The following PREB variants were observed in gnomAD, a reference collection of about 807,000 sequenced individuals.
PREB encodes prolactin regulatory element binding.
A neutral mutation model predicts 46.7 loss-of-function variants in PREB; 29 were observed. The observed-to-expected ratio is 0.62, with a 90% CI of 0.46 to 0.85. The LOEUF (loss-of-function observed/expected upper bound fraction) is 0.85, where lower values mean the gene tolerates loss of function less well. Ranked by LOEUF, PREB falls within the 40% of genes least tolerant of loss-of-function variation. The pLI is 0.00. For synonymous variants in PREB, 224 were observed against 220.1 expected (o/e 1.02, Z -0.16); for missense variants, 494 against 528.4 (o/e 0.93, Z 0.64).
At position 27,134,622 on chromosome 2, in the gene PREB, T is replaced by A; in HGVS notation, c.-201A>T. 1 of 1,291,758 alleles carries A rather than the reference T, an allele frequency of 7.7e-7. No homozygotes were observed. Among genetic ancestry groups the A allele is most frequent in the Non-Finnish European group, 9.8e-7 (1 of 1,020,820 alleles). 80.0% of individuals were successfully genotyped at this position (1,291,758 alleles called of 1,614,324 possible). A position where few individuals can be genotyped will look rare whatever the true frequency, so the allele number is the denominator to read the frequency against. On this transcript the variant is annotated 5_prime_UTR_variant, in exon 1 of 9. Coordinates refer to ENST00000260643, the MANE Select transcript of PREB (RefSeq NM_013388.6). ...CAGCTCGGCTCCGTCCAAGTCGGTCTCGCAGACGCGCACTGCGCATGCGCA... is the reference window on the plus strand; with the variant it reads ...CAGCTCGGCTCCGTCCAAGTCGGTCACGCAGACGCGCACTGCGCATGCGCA...
At chr2:27,133,767 G>A in intron 1 of PREB, 46 bp from the exon 2 acceptor site, 2 of 1,583,252 alleles carry the variant, frequency 1.3e-6, no homozygotes, top group Middle Eastern at 1.8e-4. Flanking sequence ...GGTGCCCAGA[G>A]AGCACGTTTA....
At chr2:27,134,051 A>T in intron 1 of PREB, 1 of 650,444 alleles carries the variant, frequency 1.5e-6, no homozygotes, top group Non-Finnish European at 2.6e-6. Flanking sequence ...GGCGGAGCTG[A>T]AGCGTTCCTG....
At position 27,132,777 on chromosome 2, in the gene PREB, C is replaced by G; in HGVS notation, c.628-50G>C. 6.2e-7 allele frequency: 1 copy of G among 1,613,622 alleles called. No individual in the cohort carries two copies. The highest frequency in any genetic ancestry group is 1.7e-4 in the Middle Eastern group (1 of 6,060). On this transcript the variant is annotated intron_variant, in intron 4 of 8. Coordinates refer to ENST00000260643, the MANE Select transcript of PREB (RefSeq NM_013388.6). This position sits in a 1 kb window ranked among gnomAD's most constrained non-coding sequence, Gnocchi z 4.0. ...GATGGACAGTTAGGGGATCCACTTACTGGGCAAGCAGCATAAGCACCTCCT... is the reference window on the plus strand; with the variant it reads ...GATGGACAGTTAGGGGATCCACTTAGTGGGCAAGCAGCATAAGCACCTCCT...
chr2:27,132,614 G>A lies in PREB; in HGVS notation c.741C>T (p.Tyr247=). Residue 247 remains tyrosine (Y), a synonymous_variant, in exon 5 of 9, where the codon TAC becomes TAT. Coordinates refer to ENST00000260643, the MANE Select transcript of PREB (RefSeq NM_013388.6). The surrounding 1 kb of genome is among the most constrained non-coding windows in gnomAD (Gnocchi z 4.0). ...GPTFSSTPYR[Y]QACRFGQVPD... is the part of the protein sequence containing the mutation. ...CAAAGTCTTCACACCTGCAGGCCTG[G>A]TAGCGGTAAGGTGTGCTGGAAAAGG... 4 of 1,614,102 alleles carry A rather than the reference G, an allele frequency of 2.5e-6. No individual in the cohort carries two copies. Among genetic ancestry groups the A allele is most frequent in the African/African-American group, 2.7e-5 (2 of 75,008 alleles).
At position 27,132,682 on chromosome 2, in the gene PREB, C is replaced by A. The variant is rs532426126; in HGVS notation, c.673G>T (p.Asp225Tyr). The change falls in exon 5 of 9, where the codon GAT becomes TAT. Residue 225 changes from aspartate (D) to tyrosine (Y), a missense_variant. Physicochemically the swap from Asp to Tyr is radical, Grantham distance 160. Coordinates refer to ENST00000260643, the MANE Select transcript of PREB (RefSeq NM_013388.6). This position sits in a 1 kb window ranked among gnomAD's most constrained non-coding sequence, Gnocchi z 4.0. ...CAGTGCAGCTGTGTCACCAGCTGAT[C>A]CTTCTGCCACACAGAGGCCTTAAGG... ...RDLKASVWQK[D>Y]QLVTQLHWQE... The A allele has an allele frequency of 6.2e-7, 1 of 1,614,082 alleles. No homozygotes were observed. Among genetic ancestry groups the A allele is most frequent in the Non-Finnish European group, 8.5e-7 (1 of 1,179,986 alleles).
chr2:27,132,896 A>G lies in PREB; in HGVS notation c.574T>C (p.Phe192Leu). The change falls in exon 4 of 9, where the codon TTC becomes CTC. Residue 192 changes from phenylalanine (F) to leucine (L), a missense_variant. Coordinates refer to ENST00000260643, the MANE Select transcript of PREB (RefSeq NM_013388.6). The surrounding 1 kb of genome is among the most constrained non-coding windows in gnomAD (Gnocchi z 4.0). ...KVPSLEKVLE[F>L]KAHEGEIEDL... ...TCAATCTCCCCTTCGTGGGCTTTGA[A>G]CTCCAGAACCTTCTCCAGGCTGGGC... The G allele has an allele frequency of 1.9e-6, 3 of 1,613,506 alleles. No homozygotes were observed. Among genetic ancestry groups the G allele is most frequent in the Non-Finnish European group, 2.5e-6 (3 of 1,179,882 alleles).
rs1672219735 is a variant in PREB at position 27,130,805 on chromosome 2, C to T, written c.*609G>A. 1 of 1,557,032 alleles carries T rather than the reference C, an allele frequency of 6.4e-7. No homozygotes were observed. On this transcript the variant is annotated 3_prime_UTR_variant, in exon 9 of 9. Transcript: ENST00000260643. ...CTTGTTTATTAAATATCAACTTTTC[C>T]TGCCTAATGGGCTGAGGTTCATTTT...
chr2:27,134,545 T>TC lies in PREB; in HGVS notation c.-125dup. 2.9e-6 allele frequency: 4 copies of TC among 1,362,228 alleles called. No individual in the cohort carries two copies. The highest frequency in any genetic ancestry group is 3.8e-6 in the Non-Finnish European group (4 of 1,064,620). 84.4% of individuals were successfully genotyped at this position (1,362,228 alleles called of 1,614,324 possible). On this transcript the variant is annotated 5_prime_UTR_variant, in exon 1 of 9. It introduces an in-frame stop codon into an upstream open reading frame of the 5' UTR. Coordinates refer to ENST00000260643, the MANE Select transcript of PREB (RefSeq NM_013388.6). ...CGCCGCCGGGAGCACTCCCTACCCC[T>TC]CTCACACCGGGGAGTTGCCAAAACC...
intron 1 of PREB, 51 bp downstream of exon 1, chr2:27,134,236 A>G: frequency 6.7e-7 from 1 of 1,497,412 alleles, no homozygotes; most frequent in South Asian, 1.3e-5. Flanking sequence ...CCACCCTGGA[A>G]TCGCCGCCAG....
Position 27,131,850 on chromosome 2 carries a change from C to T in PREB, c.1000-19G>A, listed in dbSNP as rs749694183. 9.3e-6 allele frequency: 15 copies of T among 1,612,490 alleles called. No homozygotes were observed. In the Admixed American group the frequency reaches 2.2e-4, roughly 23 times the overall value. On this transcript the variant is annotated intron_variant, in intron 7 of 8. Transcript: ENST00000260643. ...AGAGGCACTGTGGGCAGAAGGAATA[C>T]CAGTGAGGAAAGGCCTAGCTGGGAA...
At chr2:27,134,026 C>T (rs1047766035) in intron 1 of PREB, 41 of 616,424 alleles carry the variant, frequency 6.7e-5, no homozygotes, top group Non-Finnish European at 1.1e-4. Context: ...TATAAGACCC[C>T]TGGAGCTGCT....
chr2:27,132,476 G>A lies in PREB; in HGVS notation c.753-73C>T. 1.3e-6 allele frequency: 2 copies of A among 1,588,634 alleles called. No individual in the cohort carries two copies. Among genetic ancestry groups the A allele is most frequent in the Non-Finnish European group, 8.6e-7 (1 of 1,165,578 alleles). On this transcript the variant is annotated intron_variant, in intron 5 of 8. Transcript: ENST00000260643. The surrounding 1 kb of genome is among the most constrained non-coding windows in gnomAD (Gnocchi z 4.0). Reference sequence around the variant, plus strand: ...CTCCTCAGAGGTTTGTGCACCACCTGCACCCTGGTCAGACCTGGGGTAACA... The same window carrying A: ...CTCCTCAGAGGTTTGTGCACCACCTACACCCTGGTCAGACCTGGGGTAACA...
intron 8 of PREB, 54 bp downstream of exon 8, chr2:27,131,618 T>C: frequency 6.2e-7 from 1 of 1,604,144 alleles, no homozygotes; most frequent in South Asian, 1.1e-5. Flanking sequence ...GGGGGGCACG[T>C]TTCTGGTCAT....
rs771379141 is a variant in PREB at position 27,133,311 on chromosome 2, T to C, written c.352A>G (p.Arg118Gly). Reference protein sequence around the residue: ...AGSKEQGPRQRKGAAPAEKKC... With the variant: ...AGSKEQGPRQGKGAAPAEKKC... Reference sequence around the variant, plus strand: ...TTCTCTGCTGGGGCTGCTCCCTTCCTTTGTCGAGGCCCCTGCTCCTTGGAA... The same window carrying C: ...TTCTCTGCTGGGGCTGCTCCCTTCCCTTGTCGAGGCCCCTGCTCCTTGGAA... Residue 118 changes from arginine (R) to glycine (G), a missense_variant, in exon 3 of 9, where the codon AGG becomes GGG. Coordinates refer to ENST00000260643, the MANE Select transcript of PREB (RefSeq NM_013388.6). 1.9e-6 allele frequency: 3 copies of C among 1,614,052 alleles called. No individual in the cohort carries two copies. Among genetic ancestry groups the C allele is most frequent in the African/African-American group, 2.7e-5 (2 of 74,932 alleles).
At chr2:27,134,007 AAAGGCCAGTAT>A in intron 1 of PREB, 2 of 606,260 alleles carry the variant, frequency 3.3e-6, no homozygotes, top group Non-Finnish European at 5.7e-6. Context: ...ACCTCCCGGA[AAAGGCCAGTAT>A]AAGACCCCTG....
In PREB at chr2:27,134,554, G is replaced by A. The variant is rs1385666316; in HGVS notation, c.-133C>T. On this transcript the variant is annotated 5_prime_UTR_variant, in exon 1 of 9. Coordinates refer to ENST00000260643, the MANE Select transcript of PREB (RefSeq NM_013388.6). ...GAGCACTCCCTACCCCTCTCACACC[G>A]GGGAGTTGCCAAAACCCTGACCATC... is the stretch of plus-strand genomic sequence containing the variant. The A allele has an allele frequency of 1.5e-6, 2 of 1,359,810 alleles. No individual in the cohort carries two copies. Among genetic ancestry groups the A allele is most frequent in the African/African-American group, 1.5e-5 (1 of 64,812 alleles). 84.2% of individuals were successfully genotyped at this position (1,359,810 alleles called of 1,614,324 possible).
At chr2:27,134,066 C>T in intron 1 of PREB, 1 of 675,644 alleles carries the variant, frequency 1.5e-6, no homozygotes, top group Non-Finnish European at 2.4e-6. Flanking sequence ...TTCCTGGCGA[C>T]TCTGCAGCTG....
Position 27,134,623 on chromosome 2 carries a change from C to T in PREB, c.-202G>A, listed in dbSNP as rs889811170. 20 of 1,288,360 alleles carry T rather than the reference C, an allele frequency of 1.6e-5. No individual in the cohort carries two copies. The highest frequency in any genetic ancestry group is 2.0e-5 in the Non-Finnish European group (20 of 1,017,916). The allele number at this position is 1,288,360 out of a possible 1,614,324, so 79.8% of individuals were successfully genotyped here. ...AGCTCGGCTCCGTCCAAGTCGGTCT[C>T]GCAGACGCGCACTGCGCATGCGCAC... On this transcript the variant is annotated 5_prime_UTR_variant, in exon 1 of 9. Transcript: ENST00000260643.
In PREB at chr2:27,133,179, A is replaced by G. The variant is rs763930130; in HGVS notation, c.484T>C (p.Phe162Leu). Residue 162 changes from phenylalanine (F) to leucine (L), a missense_variant, in exon 3 of 9, where the codon TTC becomes CTC. By Grantham distance (22) the Phe-to-Leu change is conservative. Transcript: ENST00000260643. ...GCAAGCAGGGTATTATCGTGGTTGA[A>G]GCACACAACTTTCTGCAGTGGATCG... is the stretch of plus-strand genomic sequence containing the variant. ...SSDPLQKVVC[F>L]NHDNTLLATG... The G allele has an allele frequency of 1.2e-6, 2 of 1,614,214 alleles. No individual in the cohort carries two copies. Among genetic ancestry groups the G allele is most frequent in the Admixed American group, 3.3e-5 (2 of 60,020 alleles).
Sources: gnomAD v4.1 joint callset for allele counts on GRCh38, gnomAD v4.1.1 for gene constraint, Gnocchi (gnomAD v3.1) non-coding constraint, MANE v1.5 for transcripts, NCBI Gene and HGNC (gene_info 2026-07-23, HGNC 2026-07-21) for gene names.